Variants in TPST1 observed in about 807,000 individuals in gnomAD.
TPST1 encodes protein-tyrosine sulfotransferase 1.
In TPST1, 20 loss-of-function variants were observed where a neutral mutation model predicts 34.8. That is an observed-to-expected ratio of 0.57 (90% CI 0.40 to 0.84). The LOEUF is 0.84. TPST1 is among the 40% of genes least tolerant of loss of function. TPST1 has a pLI of 0.00. For missense variants in TPST1, 353 were observed against 455.5 expected, an observed-to-expected ratio of 0.78 and a Z score of 2.05; for synonymous variants, 152 against 159.4, an observed-to-expected ratio of 0.95 and a Z score of 0.35.
At chr7:66,218,941 C>T (rs868727405) in intron 1 of TPST1, among the ~76,000 whole-genome samples, 10 of 151,558 alleles carry the variant, frequency 6.6e-5, no homozygotes, top group Admixed American at 2.6e-4. Flanking sequence ...AGTGCAGTGG[C>T]GCAATCTCAG....
At chr7:66,251,924 A>G (rs1790270534) in intron 2 of TPST1, among the ~76,000 whole-genome samples, 1 of 151,890 alleles carries the variant, frequency 6.6e-6, no homozygotes, top group African/African-American at 2.4e-5. Context: ...CATTTTTACT[A>G]TTGATGAACA....
At chr7:66,209,775 G>T (rs953335580) in intron 1 of TPST1, among the ~76,000 whole-genome samples, 3 of 152,156 alleles carry the variant, frequency 2.0e-5, no homozygotes, top group African/African-American at 7.2e-5. Flanking sequence ...ATTCATGTCT[G>T]CATCCCCTAC....
At chr7:66,304,692 G>C (rs1360185500) in intron 3 of TPST1, among the ~76,000 whole-genome samples, 1 of 152,204 alleles carries the variant, frequency 6.6e-6, no homozygotes, top group East Asian at 1.9e-4. Flanking sequence ...CCCTCAAAGA[G>C]GAGATGCTGT....
chr7:66,251,169 T>G (rs1393689294), intron 2 of TPST1, among the ~76,000 whole-genome samples: 1 of 152,166 alleles, frequency 6.6e-6, no homozygotes, highest in Non-Finnish European at 1.5e-5. Flanking sequence ...AGGATTTAGT[T>G]AGAATGACTA....
At chr7:66,340,501 C>T (rs1792215689) in intron 3 of TPST1, among the ~76,000 whole-genome samples, 2 of 152,094 alleles carry the variant, frequency 1.3e-5, no homozygotes, top group Admixed American at 6.6e-5. Context: ...CCTGAAGACT[C>T]CTCCAAAAAC....
chr7:66,202,455 G>A (rs1285398413), upstream of TPST1, among the ~76,000 whole-genome samples: 2 of 152,114 alleles, frequency 1.3e-5, no homozygotes, highest in East Asian at 3.8e-4. Flanking sequence ...TTTAATACGT[G>A]CTAGGAGGAC....
chr7:66,213,696 A>C (rs1400306219), intron 1 of TPST1, among the ~76,000 whole-genome samples: 1 of 151,418 alleles, frequency 6.6e-6, no homozygotes, highest in East Asian at 1.9e-4. Context: ...GTGAGCGGAG[A>C]TCGTGCCACT....
At chr7:66,313,125 G>A (rs1303840150) in intron 3 of TPST1, among the ~76,000 whole-genome samples, 6 of 151,726 alleles carry the variant, frequency 4.0e-5, no homozygotes, top group Non-Finnish European at 4.4e-5. Context: ...AAACAAAAAT[G>A]ATGCTGGTAG....
chr7:66,245,377 G>A (rs957566913), intron 2 of TPST1, among the ~76,000 whole-genome samples: 1 of 152,168 alleles, frequency 6.6e-6, no homozygotes, highest in Non-Finnish European at 1.5e-5. Context: ...AAACATCAGG[G>A]GTCAGGGGCA....
chr7:66,213,929 A>G (rs1789331553), intron 1 of TPST1, among the ~76,000 whole-genome samples: 1 of 152,096 alleles, frequency 6.6e-6, no homozygotes, highest in Admixed American at 6.6e-5. Flanking sequence ...GGAGTTATAG[A>G]TCATATTTAA....
chr7:66,281,778 A>G (rs891418137), intron 2 of TPST1, among the ~76,000 whole-genome samples: 4 of 152,166 alleles, frequency 2.6e-5, no homozygotes, highest in Admixed American at 6.5e-5. Context: ...GTTGCTGGGT[A>G]TCATAATTCA....
intron 1 of TPST1, among the ~76,000 whole-genome samples, chr7:66,216,815 A>T (rs1789422257): frequency 6.6e-6 from 1 of 152,142 alleles, no homozygotes; most frequent in Admixed American, 6.5e-5. Context: ...TAGGTTGTTG[A>T]TTTGCAATCT....
chr7:66,199,862 C>T, the TPST1 span, among the ~76,000 whole-genome samples: 3 of 151,936 alleles, frequency 2.0e-5, no homozygotes, highest in East Asian at 5.8e-4. Context: ...TACCGCCGCG[C>T]GGCACCATGC....
At chr7:66,334,578 G>A (rs1367045144) in intron 3 of TPST1, among the ~76,000 whole-genome samples, 1 of 148,850 alleles carries the variant, frequency 6.7e-6, no homozygotes, top group African/African-American at 2.5e-5. Context: ...GGAGGTTGCA[G>A]TGAGCCAAGA....
chr7:66,295,572 TTTG>T (rs1459154705), intron 3 of TPST1, among the ~76,000 whole-genome samples: 2 of 152,194 alleles, frequency 1.3e-5, no homozygotes, highest in Non-Finnish European at 2.9e-5. Context: ...ATTTTAGATT[TTTG>T]TTGGTTTTAA....
rs773861172 is a variant in TPST1, at chr7:66,240,604, A to G, written c.179A>G (p.Asn60Ser). 4.3e-6 allele frequency: 7 copies of G among 1,614,208 alleles called. No individual in the cohort carries two copies. The Admixed American group carries it at 6.7e-5, about 15-fold the overall frequency. Residue 60 changes from asparagine (N) to serine (S), a missense_variant, in exon 2 of 6, where the codon AAC becomes AGC. Coordinates refer to ENST00000304842, the MANE Select transcript of TPST1 (RefSeq NM_003596.4). ...AGAACTGGCCTGGACCTCAAAGCCA[A>G]CAAAACCTTTGCCTATCACAAAGAT... is the stretch of plus-strand genomic sequence containing the variant. ...TVRTGLDLKA[N>S]KTFAYHKDMP...
chr7:66,254,710 G>A (rs189645941), intron 2 of TPST1, among the ~76,000 whole-genome samples: 1 of 152,170 alleles, frequency 6.6e-6, no homozygotes, highest in Non-Finnish European at 1.5e-5. Context: ...AGCCAGATAT[G>A]TGTATTGTTT....
chr7:66,270,255 G>A (rs1376002377), intron 2 of TPST1, among the ~76,000 whole-genome samples: 2 of 152,192 alleles, frequency 1.3e-5, no homozygotes, highest in South Asian at 2.1e-4. Context: ...AGTGTGTGAA[G>A]GTCAGGTTAT....
intron 4 of TPST1, among the ~76,000 whole-genome samples, chr7:66,355,083 A>G (rs1395410803): frequency 6.6e-6 from 1 of 152,252 alleles, no homozygotes; most frequent in Admixed American, 6.5e-5. Context: ...ATTTAAAGGT[A>G]GATAATATGA....
Sources: gnomAD v4.1 joint callset for allele counts (sites outside exome capture counted in the v4.1 genomes callset) on GRCh38, gnomAD v4.1.1 for gene constraint, MANE v1.5 for transcripts, NCBI Gene and HGNC (gene_info 2026-07-23, HGNC 2026-07-21) for gene names.